Variants in STX8 observed in about 807,000 individuals in gnomAD.
STX8 encodes the protein syntaxin 8, also known as syntaxin-8.
A neutral mutation model predicts 37.5 loss-of-function variants in STX8; 23 were observed. The observed-to-expected ratio is 0.61, with a 90% CI of 0.44 to 0.87. STX8 has a LOEUF of 0.87. Among genes scored for constraint, STX8 ranks in the 40% least tolerant of loss-of-function variants. The pLI, the probability that STX8 is intolerant of heterozygous loss-of-function variation, is 0.00. For missense variants in STX8, 313 were observed against 284.7 expected (o/e 1.10, Z -0.71); for synonymous variants, 115 against 99.1 (o/e 1.16, Z -0.95).
Position 9,261,010 on chromosome 17 carries a change from G to A in STX8, c.644-10365C>T, listed in dbSNP as rs376287931. Reference sequence around the variant, plus strand: ...CAGGAGAAGGTGGCCTGGAAGGGGTGGGGGTTGGGATGAGAGAAAAAAAGG... The same window carrying A: ...CAGGAGAAGGTGGCCTGGAAGGGGTAGGGGTTGGGATGAGAGAAAAAAAGG... On this transcript the variant is annotated intron_variant, in intron 7 of 7. Coordinates refer to ENST00000306357, the MANE Select transcript of STX8 (RefSeq NM_004853.3). Among the ~76,000 whole-genome samples the A allele has an allele frequency of 1.8e-4, 28 of 152,358 alleles. No individual in the cohort carries two copies. The East Asian group carries it at 4.8e-3, about 26-fold the overall frequency.
intron 7 of STX8, among the ~76,000 whole-genome samples, chr17:9,308,915 G>T (rs1909096743): frequency 6.6e-6 from 1 of 151,866 alleles, no homozygotes; most frequent in Non-Finnish European, 1.5e-5. Context: ...TTGACATGGT[G>T]TTAAAAACCC....
chr17:9,443,286 G>C lies in STX8; in HGVS notation c.541+48543C>G, dbSNP rs1394460759. Among the ~76,000 whole-genome samples, 6 of 152,256 alleles carry C rather than the reference G, an allele frequency of 3.9e-5. No homozygotes were observed. In the East Asian group the frequency reaches 1.2e-3, roughly 29 times the overall value. On this transcript the variant is annotated intron_variant, in intron 6 of 7. Coordinates refer to ENST00000306357, the MANE Select transcript of STX8 (RefSeq NM_004853.3). ...AAATCAACTACTGAAAGCAGCCATA[G>C]GGCCTTCAACTCTTTTCTCTTTCCC...
At position 9,250,535 on chromosome 17, in the gene STX8, C is replaced by A. The variant is rs1555582458; in HGVS notation, c.*43G>T. ...TACCAAAAGGGTGTTGGGCTTGCAT[C>A]TGTCATTGGCAGGTGTCACTGCTGG... On this transcript the variant is annotated 3_prime_UTR_variant, in exon 8 of 8. Coordinates refer to ENST00000306357, the MANE Select transcript of STX8 (RefSeq NM_004853.3). 1.3e-6 allele frequency: 2 copies of A among 1,544,192 alleles called. No homozygotes were observed. The highest frequency in any genetic ancestry group is 3.9e-5 in the Admixed American group (2 of 51,890).
intron 6 of STX8, among the ~76,000 whole-genome samples, chr17:9,424,948 G>A (rs752440099): frequency 5.9e-5 from 9 of 152,144 alleles, no homozygotes; most frequent in Admixed American, 1.3e-4. Flanking sequence ...TGTAACACAA[G>A]AGAGGTTAAA....
intron 6 of STX8, among the ~76,000 whole-genome samples, chr17:9,392,177 T>C (rs915290002): frequency 2.0e-5 from 3 of 152,100 alleles, no homozygotes; most frequent in Non-Finnish European, 4.4e-5. Context: ...CAGAGTCTCA[T>C]AAAATAATAA....
Position 9,339,070 on chromosome 17 carries a change from C to CAAAAAAAAAAA in STX8, c.643+39471_643+39481dup, listed in dbSNP as rs34987749. Among the ~76,000 whole-genome samples, 68 of 70,016 alleles carry CAAAAAAAAAAA rather than the reference C, an allele frequency of 9.7e-4. 4 individuals are homozygous for CAAAAAAAAAAA. Among genetic ancestry groups the CAAAAAAAAAAA allele is most frequent in the African/African-American group, 4.3e-3 (66 of 15,506 alleles). 45.9% of individuals were successfully genotyped at this position (70,016 alleles called of 152,430 possible). A position where few individuals can be genotyped will look rare whatever the true frequency, so the allele number is the denominator to read the frequency against. On this transcript the variant is annotated intron_variant, in intron 7 of 7. Transcript: ENST00000306357. ...TGGTTGACAAAGCGAGACTCCGTCT[C>CAAAAAAAAAAA]AAAAAAAAAAAAAAAAAAAAATTCC...
intron 6 of STX8, among the ~76,000 whole-genome samples, chr17:9,425,551 A>G (rs534529452): frequency 6.6e-6 from 1 of 152,330 alleles, no homozygotes; most frequent in East Asian, 1.9e-4. Flanking sequence ...TGAGCACGAC[A>G]CGGACTTTAA....
intron 6 of STX8, among the ~76,000 whole-genome samples, chr17:9,434,862 A>G (rs4791836): frequency 1 from 151,887 of 152,346 alleles, 75,718 homozygotes; most frequent in Middle Eastern, 1. Flanking sequence ...GGGGTGGGGC[A>G]TTTCTAGATG....
intron 6 of STX8, among the ~76,000 whole-genome samples, chr17:9,409,181 A>G (rs1037792755): frequency 3.9e-5 from 6 of 151,976 alleles, no homozygotes; most frequent in Admixed American, 2.0e-4. Flanking sequence ...GATATCACCT[A>G]TGCCCATTAA....
At chr17:9,451,957 G>C (rs1208632736) in intron 6 of STX8, among the ~76,000 whole-genome samples, 1 of 152,080 alleles carries the variant, frequency 6.6e-6, no homozygotes, top group Non-Finnish European at 1.5e-5. Flanking sequence ...AAATTACCTT[G>C]ATGGTTTCAG....
At chr17:9,406,173 T>C (rs760937435) in intron 6 of STX8, among the ~76,000 whole-genome samples, 2 of 152,236 alleles carry the variant, frequency 1.3e-5, no homozygotes, top group Non-Finnish European at 2.9e-5. Flanking sequence ...TAGTCTGCAG[T>C]ACATGGCAAG....
At chr17:9,517,071 T>G (rs1905178611) in intron 4 of STX8, among the ~76,000 whole-genome samples, 1 of 152,188 alleles carries the variant, frequency 6.6e-6, no homozygotes, top group African/African-American at 2.4e-5. Flanking sequence ...TGAATTAGAT[T>G]TTTTCAATCT....
intron 7 of STX8, among the ~76,000 whole-genome samples, chr17:9,354,967 CCT>C (rs937785070): frequency 1.3e-5 from 2 of 152,132 alleles, no homozygotes; most frequent in African/African-American, 4.8e-5. Context: ...TACTACCACC[CCT>C]GTTTTTGCTG....
At chr17:9,345,402 G>A (rs1209067081) in intron 7 of STX8, among the ~76,000 whole-genome samples, 4 of 151,920 alleles carry the variant, frequency 2.6e-5, no homozygotes, top group Admixed American at 1.3e-4. Flanking sequence ...CGCCTGCCTC[G>A]GCCTCCCAAA....
At chr17:9,306,882 T>C (rs1329736756) in intron 7 of STX8, among the ~76,000 whole-genome samples, 1 of 151,846 alleles carries the variant, frequency 6.6e-6, no homozygotes, top group African/African-American at 2.4e-5. Flanking sequence ...TCCCAGCACT[T>C]TGGGAGGCTG....
intron 5 of STX8, among the ~76,000 whole-genome samples, chr17:9,500,379 A>C (rs1042901154): frequency 4.6e-5 from 7 of 152,196 alleles, no homozygotes; most frequent in Non-Finnish European, 1.0e-4. Context: ...GGTGAGTTCT[A>C]AGACTGCCCC....
intron 4 of STX8, among the ~76,000 whole-genome samples, chr17:9,527,722 G>A (rs1238833128): frequency 6.6e-6 from 1 of 152,136 alleles, no homozygotes; most frequent in South Asian, 2.1e-4. Flanking sequence ...ATCAAGTTCT[G>A]TAACGCCCAC....
At chr17:9,320,972 G>A (rs1412186740) in intron 7 of STX8, among the ~76,000 whole-genome samples, 1 of 150,464 alleles carries the variant, frequency 6.6e-6, no homozygotes, top group Admixed American at 6.6e-5. Flanking sequence ...CTTAACTCTA[G>A]TTAAATTGGA....
intron 7 of STX8, among the ~76,000 whole-genome samples, chr17:9,311,733 T>C (rs1369355035): frequency 6.6e-6 from 1 of 152,248 alleles, no homozygotes; most frequent in Non-Finnish European, 1.5e-5. Flanking sequence ...GGATATTACA[T>C]GTCCCTATCT....
Sources: gnomAD v4.1 joint callset for allele counts (sites outside exome capture counted in the v4.1 genomes callset) on GRCh38, gnomAD v4.1.1 for gene constraint, MANE v1.5 for transcripts, NCBI Gene and HGNC (gene_info 2026-07-23, HGNC 2026-07-21) for gene names.